The following G3BP2 variants were observed in gnomAD, a reference collection of about 807,000 sequenced individuals.
G3BP2 encodes the protein ras GTPase-activating protein-binding protein 2.
In G3BP2, 11 loss-of-function variants were observed where a neutral mutation model predicts 56.7. The observed-to-expected ratio is 0.19, with a 90% confidence interval of 0.12 to 0.32. The LOEUF is 0.32. Ranked by LOEUF, G3BP2 falls within the 10% of genes least tolerant of loss-of-function variation. G3BP2 has a pLI of 1.00. For missense variants in G3BP2, 340 were observed against 610.9 expected (o/e 0.56, Z 4.67); for synonymous variants, 165 against 191.6 (o/e 0.86, Z 1.15).
chr4:75,723,494 A>T (rs1720262924), intron 1 of G3BP2, among the ~76,000 whole-genome samples: 2 of 152,208 alleles, frequency 1.3e-5, no homozygotes, highest in Admixed American at 1.3e-4. Context: ...AGAGCAGAAC[A>T]CCTATTTGAG....
At position 75,665,626 on chromosome 4, in the gene G3BP2, AACAC is replaced by A. The variant is rs33922717; in HGVS notation, c.-24-3581_-24-3578del. ...GCACACCTGTAGTCACAAACACACA[AACAC>A]ACACACACACACAAACACACAAACA... On this transcript the variant is annotated intron_variant, in intron 1 of 11. Transcript: ENST00000359707. 1.1e-3 allele frequency among the ~76,000 whole-genome samples: 154 copies of A among 142,760 alleles called. 1 individual carries two copies. Among genetic ancestry groups the A allele is most frequent in the African/African-American group, 2.7e-3 (110 of 40,272 alleles). The allele number at this position is 142,760 out of a possible 152,430, so 93.7% of individuals were successfully genotyped here.
At chr4:75,702,163 AC>A (rs1227615689) in intron 3 of G3BP2, among the ~76,000 whole-genome samples, 1 of 122,616 alleles carries the variant, frequency 8.2e-6, no homozygotes, top group Non-Finnish European at 1.7e-5. Flanking sequence ...TGGTATATAA[AC>A]CCCCCAATTT....
chr4:75,676,235 A>G (rs1397873845), upstream of G3BP2, among the ~76,000 whole-genome samples: 1 of 151,874 alleles, frequency 6.6e-6, no homozygotes, highest in Non-Finnish European at 1.5e-5. Context: ...TCCACCTCCT[A>G]TAGACTAGGC....
intron 3 of G3BP2, among the ~76,000 whole-genome samples, chr4:75,708,302 G>A (rs1719629376): frequency 6.6e-6 from 1 of 152,138 alleles, no homozygotes; most frequent in African/African-American, 2.4e-5. Flanking sequence ...ATCAAGCCTG[G>A]CTAATGATTC....
rs567251818 is a variant in G3BP2 at position 75,670,425 on chromosome 4, G to T, written c.-25+2783C>A. The T allele has an allele frequency of 5.3e-5, 8 of 152,260 alleles. No individual in the cohort carries two copies. The South Asian group carries it at 1.5e-3, about 28-fold the overall frequency. The allele number at this position is 152,260 out of a possible 1,614,324, so 9.4% of individuals were successfully genotyped here. A position where few individuals can be genotyped will look rare whatever the true frequency, so the allele number is the denominator to read the frequency against. ...CATTGAATGAAAGCTTCACAAAGAAGATCTAAGAATCATAGTGGTACAAAT... is the reference window on the plus strand; with the variant it reads ...CATTGAATGAAAGCTTCACAAAGAATATCTAAGAATCATAGTGGTACAAAT... On this transcript the variant is annotated intron_variant, in intron 1 of 11. Transcript: ENST00000359707.
At chr4:75,657,091 C>T (rs1212774013) in intron 4 of G3BP2, 77 bp from the exon 5 acceptor site, 15 of 660,538 alleles carry the variant, frequency 2.3e-5, no homozygotes, top group Non-Finnish European at 3.7e-5. Context: ...ATGGCATACA[C>T]AATTTCTCAT....
intron 5 of G3BP2, among the ~76,000 whole-genome samples, chr4:75,656,282 G>A (rs891836239): frequency 5.4e-5 from 7 of 130,360 alleles, no homozygotes; most frequent in Middle Eastern, 4.2e-3. Context: ...ATGAGCCACC[G>A]CGCTCGGCTC....
upstream of G3BP2, among the ~76,000 whole-genome samples, chr4:75,676,897 TC>T (rs555763723): frequency 1.4e-4 from 22 of 152,252 alleles, no homozygotes; most frequent in African/African-American, 4.8e-4. Context: ...TACTTCCATT[TC>T]TTTTCTTACC....
At chr4:75,650,015 GAAAT>G (rs1731551210) in intron 8 of G3BP2, among the ~76,000 whole-genome samples, 4 of 151,474 alleles carry the variant, frequency 2.6e-5, no homozygotes, top group Admixed American at 2.6e-4. Flanking sequence ...CCTTCTCACA[GAAAT>G]AAATAAGTAA....
chr4:75,654,971 A>C lies in G3BP2; in HGVS notation c.726+95T>G, dbSNP rs1246987187. ...TTTCATATACATAAAATAATTTACT[A>C]AACAATTTAACATAATAGAAAAAGG... is the stretch of plus-strand genomic sequence containing the variant. On this transcript the variant is annotated intron_variant, in intron 7 of 11. Coordinates refer to ENST00000359707, the MANE Select transcript of G3BP2 (RefSeq NM_203505.3). The C allele has an allele frequency of 3.8e-6, 3 of 785,642 alleles. No individual in the cohort carries two copies. In the Admixed American group the frequency reaches 9.4e-5, roughly 25 times the overall value. The allele number at this position is 785,642 out of a possible 1,614,324, so 48.7% of individuals were successfully genotyped here.
intron 3 of G3BP2, among the ~76,000 whole-genome samples, chr4:75,697,234 A>G (rs909619844): frequency 5.2e-5 from 7 of 135,406 alleles, no homozygotes; most frequent in African/African-American, 8.1e-5. Context: ...AGATCATGCC[A>G]CTACACTCCA....
intron 3 of G3BP2, among the ~76,000 whole-genome samples, chr4:75,693,741 A>G (rs1718974790): frequency 1.3e-5 from 2 of 151,450 alleles, no homozygotes; most frequent in South Asian, 2.1e-4. Context: ...GTGAGCCAAG[A>G]TCGCACCACT....
chr4:75,723,985 T>C (rs1560427943), intron 1 of G3BP2: 1 of 152,176 alleles, frequency 6.6e-6, no homozygotes, highest in Non-Finnish European at 1.5e-5. Context: ...CAGAACAATG[T>C]ATTTCTCTAG....
chr4:75,658,333 A>G (rs1304479135), intron 3 of G3BP2, among the ~76,000 whole-genome samples: 2 of 151,954 alleles, frequency 1.3e-5, no homozygotes, highest in African/African-American at 4.8e-5. Context: ...GAACTCAAGC[A>G]TGTTTGACAA....
chr4:75,703,178 G>A (rs1487447120), intron 3 of G3BP2, among the ~76,000 whole-genome samples: 4 of 152,180 alleles, frequency 2.6e-5, no homozygotes, highest in Non-Finnish European at 4.4e-5. Flanking sequence ...GACAGGAGGA[G>A]TCTCTTCCTT....
intron 3 of G3BP2, among the ~76,000 whole-genome samples, chr4:75,681,052 T>A (rs531094706): frequency 6.9e-4 from 103 of 149,840 alleles, no homozygotes; most frequent in Admixed American, 3.3e-4. Context: ...CAGCCAGGCG[T>A]GGTGGCTCAT....
At chr4:75,711,322 G>GAC (rs796334116) in intron 3 of G3BP2, among the ~76,000 whole-genome samples, 53 of 107,610 alleles carry the variant, frequency 4.9e-4, no homozygotes, top group African/African-American at 1.8e-3. Flanking sequence ...CCATCTCAAA[G>GAC]AAAAAAAAAA....
chr4:75,722,607 T>C (rs779101664), intron 1 of G3BP2, among the ~76,000 whole-genome samples: 1 of 152,174 alleles, frequency 6.6e-6, no homozygotes, highest in Non-Finnish European at 1.5e-5. Flanking sequence ...CATTTCTTAG[T>C]AACAAAAATG....
At chr4:75,701,420 C>A (rs1719338544) in intron 3 of G3BP2, among the ~76,000 whole-genome samples, 1 of 59,356 alleles carries the variant, frequency 1.7e-5, no homozygotes, top group African/African-American at 6.4e-5. Context: ...GCCACCACAC[C>A]TGGCTAATTT....
Sources: allele counts gnomAD v4.1 joint callset (sites outside exome capture counted in the v4.1 genomes callset), GRCh38; gene constraint gnomAD v4.1.1; transcripts MANE v1.5; gene names NCBI Gene and HGNC (gene_info 2026-07-23, HGNC 2026-07-21).